PTBP1: variants seen among roughly 807,000 people sequenced by gnomAD.
PTBP1 encodes polypyrimidine tract binding protein 1.
PTBP1 carries 8 observed loss-of-function variants against 59.8 expected under a neutral mutation model. The observed-to-expected ratio is 0.13, with a 90% confidence interval of 0.08 to 0.24. The LOEUF is 0.24. PTBP1 is among the 10% of genes least tolerant of loss of function. The pLI is 1.00. For missense variants in PTBP1, 686 were observed against 767.0 expected, an observed-to-expected ratio of 0.89 and a Z score of 1.25; for synonymous variants, 490 against 320.7, an observed-to-expected ratio of 1.53 and a Z score of -5.64.
At chr19:800,721 G>C (rs976699817) in intron 2 of PTBP1, among the ~76,000 whole-genome samples, 1 of 152,194 alleles carries the variant, frequency 6.6e-6, no homozygotes, top group African/African-American at 2.4e-5. Context: ...AGGAGGGAGA[G>C]GTACTTTCAT....
Position 800,846 on chromosome 19 carries a change from C to T in PTBP1, c.39+1403C>T, listed in dbSNP as rs1599219438. On this transcript the variant is annotated intron_variant, in intron 2 of 14. Transcript: ENST00000356948. Reference sequence around the variant, plus strand: ...GGCCCTCAGCTTCCATCGGGTGGTCCTTGAGCCCTCCTCTGCAGTTCCTAG... The same window carrying T: ...GGCCCTCAGCTTCCATCGGGTGGTCTTTGAGCCCTCCTCTGCAGTTCCTAG... 2.6e-5 allele frequency among the ~76,000 whole-genome samples: 4 copies of T among 152,120 alleles called. No homozygotes were observed. The South Asian group carries it at 6.2e-4, about 24-fold the overall frequency.
rs1599239743 is a variant in PTBP1 at position 808,303 on chromosome 19, G to A, written c.1154-57G>A. 1 of 1,415,094 alleles carries A rather than the reference G, an allele frequency of 7.1e-7. No homozygotes were observed. The highest frequency in any genetic ancestry group is 2.4e-4 in the Middle Eastern group (1 of 4,134). 87.7% of individuals were successfully genotyped at this position (1,415,094 alleles called of 1,614,324 possible). A position where few individuals can be genotyped will look rare whatever the true frequency, so the allele number is the denominator to read the frequency against. Reference sequence around the variant, plus strand: ...GGGGTGCGCGGGGCCGGGGCTGACGGGGAGATGGGCGGGGCAGGCAGCAGG... The same window carrying A: ...GGGGTGCGCGGGGCCGGGGCTGACGAGGAGATGGGCGGGGCAGGCAGCAGG... On this transcript the variant is annotated intron_variant, in intron 11 of 14. Transcript: ENST00000356948. This position sits in a 1 kb window ranked among gnomAD's most constrained non-coding sequence, Gnocchi z 4.7.
chr19:811,076 C>T lies in PTBP1; in HGVS notation c.*250C>T, dbSNP rs1345800315. 4.7e-5 allele frequency: 19 copies of T among 407,162 alleles called. No individual in the cohort carries two copies. The highest frequency in any genetic ancestry group is 8.2e-5 in the Non-Finnish European group (19 of 232,538). The allele number at this position is 407,162 out of a possible 1,614,324, so 25.2% of individuals were successfully genotyped here. A position where few individuals can be genotyped will look rare whatever the true frequency, so the allele number is the denominator to read the frequency against. Reference sequence around the variant, plus strand: ...GGCCCTCCACACCCGGGGCCAGACCCTCGGGGCCATGCCTTGGTGGGGCCT... The same window carrying T: ...GGCCCTCCACACCCGGGGCCAGACCTTCGGGGCCATGCCTTGGTGGGGCCT... On this transcript the variant is annotated 3_prime_UTR_variant, in exon 15 of 15. Transcript: ENST00000356948.
intron 2 of PTBP1, among the ~76,000 whole-genome samples, chr19:803,281 C>T (rs889376264): frequency 6.6e-6 from 1 of 152,192 alleles, no homozygotes; most frequent in Admixed American, 6.5e-5. Context: ...TACGTGGTGC[C>T]CTCCGTAGCT....
chr19:799,938 T>G lies in PTBP1; in HGVS notation c.39+495T>G, dbSNP rs555875156. On this transcript the variant is annotated intron_variant, in intron 2 of 14. Transcript: ENST00000356948. ...GTTTTTTTGTTTTTGTTTTTGTTTTTTATTTTTGAGATGGAGTCTTGCTTT... is the reference window on the plus strand; with the variant it reads ...GTTTTTTTGTTTTTGTTTTTGTTTTGTATTTTTGAGATGGAGTCTTGCTTT... 2.1e-3 allele frequency among the ~76,000 whole-genome samples: 323 copies of G among 152,212 alleles called. 2 individuals carry two copies. The highest frequency in any genetic ancestry group is 4.2e-3 in the Non-Finnish European group (287 of 68,010).
At chr19:800,854 C>T (rs765642048) in intron 2 of PTBP1, among the ~76,000 whole-genome samples, 2 of 152,150 alleles carry the variant, frequency 1.3e-5, no homozygotes, top group Non-Finnish European at 2.9e-5. Context: ...TCCTTGAGCC[C>T]TCCTCTGCAG....
rs189976283 is a variant in PTBP1 at position 810,395 on chromosome 19, C to G, written c.1464-148C>G. The G allele has an allele frequency of 3.1e-4, 196 of 629,676 alleles. No individual in the cohort carries two copies. In the East Asian group the frequency reaches 5.3e-3, roughly 17 times the overall value. The allele number at this position is 629,676 out of a possible 1,614,324, so 39.0% of individuals were successfully genotyped here. On this transcript the variant is annotated intron_variant, in intron 13 of 14. Transcript: ENST00000356948. ...AGAAGCTGCTTCAGACCATTGTGGA[C>G]ATGATTTGATACCCCATTTCTGGGC...
chr19:799,401 TTCTCTC>T lies in PTBP1; in HGVS notation c.9-10_9-5del. 1 of 1,613,794 alleles carries T rather than the reference TTCTCTC, an allele frequency of 6.2e-7. No homozygotes were observed. Reference sequence around the variant, plus strand: ...ACCAGGCTAACGTTGTCTCCTTTCTTTCTCTCTACAGCATTGTCCCAGATATAGCCG... The same window carrying T: ...ACCAGGCTAACGTTGTCTCCTTTCTTTACAGCATTGTCCCAGATATAGCCG... On this transcript the variant is annotated splice_polypyrimidine_tract_variant and splice_region_variant and intron_variant, in intron 1 of 14. Transcript: ENST00000356948.
Position 804,321 on chromosome 19 carries a change from T to C in PTBP1, c.318T>C (p.Ala106=). 6.2e-7 allele frequency: 1 copy of C among 1,613,748 alleles called. No homozygotes were observed. The highest frequency in any genetic ancestry group is 8.5e-7 in the Non-Finnish European group (1 of 1,179,968). Residue 106 remains alanine (A), a synonymous_variant, in exon 5 of 15, where the codon GCT becomes GCC. Transcript: ENST00000356948. ...TCATCGAGATGAACACGGAGGAGGC[T>C]GCCAACACCATGGTGAACTACTACA... is the stretch of plus-strand genomic sequence containing the variant. ...QAFIEMNTEE[A]ANTMVNYYTS...
intron 9 of PTBP1, chr19:805,938 G>T: frequency 3.3e-6 from 1 of 302,400 alleles, no homozygotes. Context: ...AGCATGACCG[G>T]CGGCGGGACG....
At chr19:807,557 CCCCTTT>C (rs772925333) in intron 10 of PTBP1, 20 of 403,592 alleles carry the variant, frequency 5.0e-5, no homozygotes, top group East Asian at 2.5e-4. Context: ...TTCTCCCCTT[CCCCTTT>C]CCCTATTTTT....
chr19:805,837 C>G (rs1360324351), intron 9 of PTBP1: 11 of 494,186 alleles, frequency 2.2e-5, no homozygotes, highest in Admixed American at 1.5e-4. Flanking sequence ...TCAAGCACCT[C>G]CGGGCGAGCG....
Position 809,298 on chromosome 19 carries a change from GC to G in PTBP1, c.1463+538del, listed in dbSNP as rs2034737546. 2.0e-5 allele frequency among the ~76,000 whole-genome samples: 3 copies of G among 146,662 alleles called. No individual in the cohort carries two copies. In the Middle Eastern group the frequency reaches 0.011, roughly 516 times the overall value. On this transcript the variant is annotated intron_variant, in intron 13 of 14. Transcript: ENST00000356948. ...CTGGGATACAGGCGTGAGCCACCGC[GC>G]CTAGCCACATTTATTTATTTATTTA...
chr19:805,409 CG>C, intron 8 of PTBP1, 82 bp from the exon 9 acceptor site: 1 of 1,403,500 alleles, frequency 7.1e-7, no homozygotes, highest in Non-Finnish European at 1.0e-6. Flanking sequence ...GCCCGCCGGC[CG>C]GGTTGGGGCC....
rs1404133273 is a variant in PTBP1 at position 808,477 on chromosome 19, G to A, written c.1246+25G>A. ...GGTAAGAGGCCGGGGCGGCCCCGGGGTGGAGGGGGCAGGGGCGGGGGCTGC... is the reference window on the plus strand; with the variant it reads ...GGTAAGAGGCCGGGGCGGCCCCGGGATGGAGGGGGCAGGGGCGGGGGCTGC... On this transcript the variant is annotated intron_variant, in intron 12 of 14. Transcript: ENST00000356948. The surrounding 1 kb of genome is among the most constrained non-coding windows in gnomAD (Gnocchi z 4.7). 3 of 1,573,484 alleles carry A rather than the reference G, an allele frequency of 1.9e-6. No individual in the cohort carries two copies. The highest frequency in any genetic ancestry group is 1.2e-5 in the South Asian group (1 of 86,412).
intron 1 of PTBP1, among the ~76,000 whole-genome samples, 165 bp downstream of exon 1, chr19:797,670 CAG>C (rs1412434230): frequency 6.7e-6 from 1 of 149,518 alleles, no homozygotes; most frequent in African/African-American, 2.4e-5. Flanking sequence ...CGGGGCGGGT[CAG>C]GGGCTTCCCG....
intron 1 of PTBP1, among the ~76,000 whole-genome samples, chr19:797,859 C>T (rs919830603): frequency 2.0e-5 from 3 of 148,762 alleles, no homozygotes; most frequent in Non-Finnish European, 3.0e-5. Context: ...CTCGCGCGCC[C>T]GGATGGCCCT....
chr19:807,054 G>C (rs1439819267), intron 10 of PTBP1: 1 of 152,694 alleles, frequency 6.5e-6, no homozygotes, highest in Non-Finnish European at 1.5e-5. Flanking sequence ...GATCCTCCTG[G>C]AATCAGCATT....
Position 810,861 on chromosome 19 carries a change from C to G in PTBP1, c.*35C>G, listed in dbSNP as rs1179296604. 3 of 1,496,892 alleles carry G rather than the reference C, an allele frequency of 2.0e-6. No homozygotes were observed. The highest frequency in any genetic ancestry group is 2.7e-6 in the Non-Finnish European group (3 of 1,130,476). 92.7% of individuals were successfully genotyped at this position (1,496,892 alleles called of 1,614,324 possible). On this transcript the variant is annotated 3_prime_UTR_variant, in exon 15 of 15. Transcript: ENST00000356948. ...CCCCCACGGCCGGGCCCCCTGGCGACAACTTCCATCATTCCAGAGAAAAGC... is the reference window on the plus strand; with the variant it reads ...CCCCCACGGCCGGGCCCCCTGGCGAGAACTTCCATCATTCCAGAGAAAAGC...
Sources: gnomAD v4.1 joint callset for allele counts (sites outside exome capture counted in the v4.1 genomes callset) on GRCh38, gnomAD v4.1.1 for gene constraint, Gnocchi (gnomAD v3.1) non-coding constraint, MANE v1.5 for transcripts, NCBI Gene and HGNC (gene_info 2026-07-23, HGNC 2026-07-21) for gene names.